SLC4A8: variants seen among roughly 807,000 people sequenced by gnomAD.
SLC4A8 encodes electroneutral sodium bicarbonate exchanger 1.
SLC4A8 carries 40 observed loss-of-function variants against 125.0 expected under a neutral mutation model. The ratio of observed to expected loss-of-function variants is 0.32; its 90% confidence interval spans 0.25 to 0.42. The LOEUF is 0.42. Ranked by LOEUF, SLC4A8 falls within the 10% of genes least tolerant of loss-of-function variation. The pLI is 1.00. For missense variants in SLC4A8, 863 were observed against 1,355.1 expected, an observed-to-expected ratio of 0.64 and a Z score of 5.70; for synonymous variants, 456 against 476.0, an observed-to-expected ratio of 0.96 and a Z score of 0.55.
intron 6 of SLC4A8, among the ~76,000 whole-genome samples, chr12:51,457,777 G>T (rs1195692349): frequency 6.6e-6 from 1 of 152,140 alleles, no homozygotes; most frequent in Non-Finnish European, 1.5e-5. Context: ...ATGCCCCAGG[G>T]TGGCCTCAGA....
At position 51,424,940 on chromosome 12, in the gene SLC4A8, C is replaced by T; in HGVS notation, c.-48C>T. 1.3e-6 allele frequency: 2 copies of T among 1,546,744 alleles called. No individual in the cohort carries two copies. The highest frequency in any genetic ancestry group is 1.7e-6 in the Non-Finnish European group (2 of 1,143,920). On this transcript the variant is annotated 5_prime_UTR_variant, in exon 1 of 25. Transcript: ENST00000453097. ...AGACCCGACCAGAGGGCGCGGGCTG[C>T]TGATGCTTGGCTTGGAGCCCGTGGG...
In SLC4A8 at chr12:51,504,081, G is replaced by T; in HGVS notation, c.3134G>T (p.Arg1045Met). The change falls in exon 23 of 25, where the codon AGG (arginine) becomes ATG (methionine). Residue 1045 changes from arginine to methionine, a missense_variant. This residue lies in a region of SLC4A8 where 92 missense variants were observed against 125.6 expected (regional missense o/e 0.73). Coordinates refer to ENST00000453097, the MANE Select transcript of SLC4A8 (RefSeq NM_001039960.3). ...IGGDKFPLESRKLLSSPGKNI... is the reference protein window; with the variant it reads ...IGGDKFPLESMKLLSSPGKNI... ...GGAGACAAGTTTCCCTTAGAGAGCA[G>T]GAAGTTACTAAGTAGTCCTGGAAAG... 6.3e-7 allele frequency: 1 copy of T among 1,589,836 alleles called. No individual in the cohort carries two copies. Among genetic ancestry groups the T allele is most frequent in the Non-Finnish European group, 8.6e-7 (1 of 1,166,682 alleles).
intron 1 of SLC4A8, among the ~76,000 whole-genome samples, chr12:51,394,062 T>C (rs1948212647): frequency 6.6e-6 from 1 of 152,214 alleles, no homozygotes; most frequent in Non-Finnish European, 1.5e-5. Context: ...CTCTGCCCTT[T>C]GACCCTCAGG....
chr12:51,400,731 TATATATA>T (rs1948358956), intron 1 of SLC4A8, among the ~76,000 whole-genome samples: 1 of 288 alleles, frequency 3.5e-3, no homozygotes, highest in Admixed American at 0.036. Context: ...CTCCTTTATA[TATATATA>T]TATATATATA....
intron 19 of SLC4A8, among the ~76,000 whole-genome samples, chr12:51,493,013 T>C (rs963371688): frequency 6.6e-6 from 1 of 152,184 alleles, no homozygotes; most frequent in African/African-American, 2.4e-5. Context: ...AATATTTATA[T>C]AGTCCCAAAA....
intron 1 of SLC4A8, among the ~76,000 whole-genome samples, chr12:51,399,853 G>A (rs190306242): frequency 3.8e-4 from 58 of 152,196 alleles, no homozygotes; most frequent in African/African-American, 1.3e-3. Flanking sequence ...ATGGTGATGC[G>A]TTCCTATAAT....
intron 1 of SLC4A8, among the ~76,000 whole-genome samples, chr12:51,406,254 A>G (rs1948485619): frequency 6.6e-6 from 1 of 152,228 alleles, no homozygotes; most frequent in Non-Finnish European, 1.5e-5. Context: ...AAATAAAATT[A>G]TCCCGAGGGA....
chr12:51,451,245 G>A (rs1411961980), intron 3 of SLC4A8, among the ~76,000 whole-genome samples: 5 of 152,148 alleles, frequency 3.3e-5, no homozygotes, highest in South Asian at 2.1e-4. Flanking sequence ...ACCACGCCGG[G>A]CTAATTTTTT....
At chr12:51,493,272 G>A (rs1232857420) in intron 19 of SLC4A8, among the ~76,000 whole-genome samples, 1 of 152,118 alleles carries the variant, frequency 6.6e-6, no homozygotes, top group Non-Finnish European at 1.5e-5. Flanking sequence ...CCACTGGTCA[G>A]TAAAAAAGGA....
chr12:51,443,704 G>A (rs572603882), intron 2 of SLC4A8, among the ~76,000 whole-genome samples: 3 of 152,068 alleles, frequency 2.0e-5, no homozygotes, highest in Admixed American at 2.0e-4. Flanking sequence ...TTCTAAAAAG[G>A]CTTACATCTG....
rs1938221329 is a variant in SLC4A8, at chr12:51,507,473, G to A, written c.*35G>A. The stretch of plus-strand genomic sequence containing the variant: ...CTGGGATGGAAGATTTGGGCCGTGT[G>A]GTGCCTCAGGGAAGTTCTGGTTACA... On this transcript the variant is annotated 3_prime_UTR_variant, in exon 25 of 25. Transcript: ENST00000453097. The A allele has an allele frequency of 2.2e-6, 3 of 1,369,456 alleles. No homozygotes were observed. The highest frequency in any genetic ancestry group is 2.9e-6 in the Non-Finnish European group (3 of 1,051,468). 84.8% of individuals were successfully genotyped at this position (1,369,456 alleles called of 1,614,324 possible). A position where few individuals can be genotyped will look rare whatever the true frequency, so the allele number is the denominator to read the frequency against.
chr12:51,486,661 T>A (rs4761974), intron 17 of SLC4A8, among the ~76,000 whole-genome samples: 140,960 of 152,222 alleles, frequency 0.93, 65,332 homozygotes, highest in Non-Finnish European at 0.95. Flanking sequence ...TCAGTGACTT[T>A]AGAAGAATTA....
At chr12:51,461,313 G>A in intron 9 of SLC4A8, 22 bp downstream of exon 9, 1 of 1,315,252 alleles carries the variant, frequency 7.6e-7, no homozygotes, top group Non-Finnish European at 1.1e-6. Flanking sequence ...TTTTGCTTCA[G>A]TCTTCCATCT....
chr12:51,417,899 G>A lies in SLC4A8; in HGVS notation c.-111-22809G>A, dbSNP rs538418285. On this transcript the variant is annotated intron_variant, in intron 1 of 24. Coordinates refer to the SLC4A8 transcript ENST00000358657. Reference sequence around the variant, plus strand: ...ACTCCTGACCTCAGGTGATCTGCCCGCCTTGGCCTCCCAAAGTGCTGGGAT... The same window carrying A: ...ACTCCTGACCTCAGGTGATCTGCCCACCTTGGCCTCCCAAAGTGCTGGGAT... Among the ~76,000 whole-genome samples, 6 of 152,106 alleles carry A rather than the reference G, an allele frequency of 3.9e-5. No homozygotes were observed. In the East Asian group the frequency reaches 1.2e-3, roughly 29 times the overall value.
chr12:51,500,839 C>T (rs1937839463), intron 22 of SLC4A8, among the ~76,000 whole-genome samples: 3 of 148,164 alleles, frequency 2.0e-5, no homozygotes, highest in South Asian at 4.3e-4. Flanking sequence ...GGCTCTCGCC[C>T]CTGCGCCTGG....
At chr12:51,447,246 C>T (rs1045478200) in intron 2 of SLC4A8, among the ~76,000 whole-genome samples, 1 of 151,984 alleles carries the variant, frequency 6.6e-6, no homozygotes, top group East Asian at 1.9e-4. Flanking sequence ...CCACACCTGT[C>T]TAATTTTTTT....
At chr12:51,453,057 C>G (rs1461616540) in intron 4 of SLC4A8, among the ~76,000 whole-genome samples, 2 of 152,112 alleles carry the variant, frequency 1.3e-5, no homozygotes, top group African/African-American at 4.8e-5. Flanking sequence ...TTTTGTTATT[C>G]CATCTTGGCA....
At chr12:51,465,108 G>T (rs890246907) in intron 11 of SLC4A8, among the ~76,000 whole-genome samples, 1 of 152,198 alleles carries the variant, frequency 6.6e-6, no homozygotes, top group Non-Finnish European at 1.5e-5. Context: ...TTGAGAGGCA[G>T]TTCAAGGGAA....
At chr12:51,470,998 C>A (rs1950677170) in intron 13 of SLC4A8, among the ~76,000 whole-genome samples, 1 of 152,046 alleles carries the variant, frequency 6.6e-6, no homozygotes, top group Non-Finnish European at 1.5e-5. Context: ...TGGCCAGCCC[C>A]TTTTTTTCTT....
Sources: gnomAD v4.1 joint callset for allele counts (sites outside exome capture counted in the v4.1 genomes callset) on GRCh38, gnomAD v4.1.1 for gene constraint, gnomAD v4.1.1 regional missense constraint, MANE v1.5 for transcripts, NCBI Gene and HGNC (gene_info 2026-07-23, HGNC 2026-07-21) for gene names.